Variants in ARIH1 observed in about 807,000 individuals in gnomAD.
The protein encoded by ARIH1 is E3 ubiquitin-protein ligase ARIH1.
Under a neutral mutation model 85.0 loss-of-function variants are expected in ARIH1, and 8 were observed. That is an observed-to-expected ratio of 0.09 (90% CI 0.06 to 0.17). The LOEUF is 0.17. Among genes scored for constraint, ARIH1 ranks in the 10% least tolerant of loss-of-function variants. The probability of loss-of-function intolerance (pLI) is 1.00; values close to 1 mark genes in which losing one functional copy is unlikely to be tolerated. For synonymous variants in ARIH1, 238 were observed against 253.6 expected (o/e 0.94, Z 0.59); for missense variants, 311 against 718.1 (o/e 0.43, Z 6.48).
Position 72,534,959 on chromosome 15 carries a change from C to CT in ARIH1, c.444-9850dup, listed in dbSNP as rs59841210. Among the ~76,000 whole-genome samples, 121 of 73,908 alleles carry CT rather than the reference C, an allele frequency of 1.6e-3. 18 individuals carry two copies. The highest frequency in any genetic ancestry group is 2.2e-3 in the African/African-American group (75 of 34,550). The allele number at this position is 73,908 out of a possible 152,430, so 48.5% of individuals were successfully genotyped here. A position where few individuals can be genotyped will look rare whatever the true frequency, so the allele number is the denominator to read the frequency against. Reference sequence around the variant, plus strand: ...CCTATGTCTTCTTATTGTCTGTATTCTTTTTTTTTTTGAGACGGAGTCTCG... The same window carrying CT: ...CCTATGTCTTCTTATTGTCTGTATTCTTTTTTTTTTTTGAGACGGAGTCTCG... On this transcript the variant is annotated intron_variant, in intron 2 of 13. Coordinates refer to ENST00000379887, the MANE Select transcript of ARIH1 (RefSeq NM_005744.5).
rs1368971759 is a variant in ARIH1 at position 72,584,599 on chromosome 15, T to C, written c.*1307T>C. 6.6e-6 allele frequency: 1 copy of C among 152,180 alleles called. No homozygotes were observed. Among genetic ancestry groups the C allele is most frequent in the Non-Finnish European group, 1.5e-5 (1 of 68,024 alleles). 9.4% of individuals were successfully genotyped at this position (152,180 alleles called of 1,614,324 possible). Reference sequence around the variant, plus strand: ...GGTGGATACCGAAATTGCTTGTGTGTGTTGCTGTGGGTTTGGTTTGAAGGC... The same window carrying C: ...GGTGGATACCGAAATTGCTTGTGTGCGTTGCTGTGGGTTTGGTTTGAAGGC... On this transcript the variant is annotated 3_prime_UTR_variant, in exon 14 of 14. Transcript: ENST00000379887.
At chr15:72,566,479 C>A (rs1595871749) in intron 7 of ARIH1, 84 bp from the exon 8 acceptor site, 1 of 1,099,352 alleles carries the variant, frequency 9.1e-7, no homozygotes, top group Non-Finnish European at 1.4e-6. Context: ...TACTGTGGAA[C>A]TATAAGGCAT....
At chr15:72,517,664 T>C (rs1156659055) in intron 1 of ARIH1, among the ~76,000 whole-genome samples, 2 of 152,126 alleles carry the variant, frequency 1.3e-5, no homozygotes, top group Non-Finnish European at 2.9e-5. Context: ...GCTCAAGCAG[T>C]CAGCCTGCCT....
Position 72,561,569 on chromosome 15 carries a change from T to G in ARIH1, c.804+20T>G, listed in dbSNP as rs1382425929. On this transcript the variant is annotated intron_variant, in intron 6 of 13. Coordinates refer to ENST00000379887, the MANE Select transcript of ARIH1 (RefSeq NM_005744.5). ...GTAGAGGTAAGTGATTTGTTTTCCT[T>G]CTTGTAAGAAGGAATTCTGTTTATT... is the stretch of plus-strand genomic sequence containing the variant. 2 of 1,426,780 alleles carry G rather than the reference T, an allele frequency of 1.4e-6. No homozygotes were observed. The highest frequency in any genetic ancestry group is 1.9e-6 in the Non-Finnish European group (2 of 1,035,006). 88.4% of individuals were successfully genotyped at this position (1,426,780 alleles called of 1,614,324 possible).
chr15:72,563,674 A>T (rs1413350279), intron 7 of ARIH1, among the ~76,000 whole-genome samples, 174 bp downstream of exon 7: 1 of 152,186 alleles, frequency 6.6e-6, no homozygotes, highest in Non-Finnish European at 1.5e-5. Flanking sequence ...GTCACATCTT[A>T]AAAAAATTTT....
chr15:72,505,842 TCTC>T (rs2140403927), intron 1 of ARIH1, among the ~76,000 whole-genome samples: 1 of 152,224 alleles, frequency 6.6e-6, no homozygotes, highest in South Asian at 2.1e-4. Flanking sequence ...TTCAAGCAGT[TCTC>T]CTTCTTCAGC....
At chr15:72,550,466 A>G (rs2064148712) in intron 3 of ARIH1, among the ~76,000 whole-genome samples, 1 of 152,214 alleles carries the variant, frequency 6.6e-6, no homozygotes, top group Non-Finnish European at 1.5e-5. Flanking sequence ...AGTTGCTGAT[A>G]TATTTACTGT....
intron 1 of ARIH1, among the ~76,000 whole-genome samples, chr15:72,513,079 A>G (rs1301698710): frequency 6.6e-6 from 1 of 152,146 alleles, no homozygotes; most frequent in Non-Finnish European, 1.5e-5. Flanking sequence ...TATGGACAGC[A>G]TAGAGTTTTG....
chr15:72,494,838 A>C (rs973258668), intron 1 of ARIH1, among the ~76,000 whole-genome samples: 4 of 151,954 alleles, frequency 2.6e-5, no homozygotes, highest in Admixed American at 6.6e-5. Flanking sequence ...AAAAAAAAAA[A>C]AACTTAGTGA....
At chr15:72,523,882 T>C (rs1355514102) in intron 2 of ARIH1, among the ~76,000 whole-genome samples, 1 of 150,344 alleles carries the variant, frequency 6.7e-6, no homozygotes, top group Non-Finnish European at 1.5e-5. Flanking sequence ...AGACACAACA[T>C]TGAGAATAAT....
chr15:72,505,374 C>T (rs1299846203), intron 1 of ARIH1, among the ~76,000 whole-genome samples: 1 of 152,002 alleles, frequency 6.6e-6, no homozygotes, highest in Non-Finnish European at 1.5e-5. Context: ...GAATATTGTG[C>T]ACTACTCAGT....
intron 2 of ARIH1, among the ~76,000 whole-genome samples, chr15:72,532,167 T>A (rs2064060170): frequency 8.2e-6 from 1 of 121,856 alleles, no homozygotes; most frequent in Admixed American, 8.3e-5. Context: ...GCCGTAAGAT[T>A]TTTTTTTTTT....
chr15:72,499,634 TTTTTGTTTTTAACAG>T (rs2063894732), intron 1 of ARIH1, among the ~76,000 whole-genome samples: 1 of 152,236 alleles, frequency 6.6e-6, no homozygotes, highest in African/African-American at 2.4e-5. Context: ...TTACTGTTGC[TTTTTGTTTTTAACAG>T]GTCTAATTTC....
chr15:72,507,244 C>T (rs1417033389), intron 1 of ARIH1, among the ~76,000 whole-genome samples: 6 of 152,084 alleles, frequency 3.9e-5, no homozygotes, highest in South Asian at 2.1e-4. Flanking sequence ...AGGCTGGTCT[C>T]GAACTCTGAC....
chr15:72,489,527 GAAT>G (rs1433529090), intron 1 of ARIH1, among the ~76,000 whole-genome samples: 1 of 152,142 alleles, frequency 6.6e-6, no homozygotes, highest in Non-Finnish European at 1.5e-5. Flanking sequence ...AATCCTAAAT[GAAT>G]AAGTAAAAAT....
At chr15:72,515,424 G>A (rs548992246) in intron 1 of ARIH1, among the ~76,000 whole-genome samples, 36 of 152,330 alleles carry the variant, frequency 2.4e-4, no homozygotes, top group Non-Finnish European at 1.9e-4. Context: ...CTAGGAGTCA[G>A]CATCTGTTGA....
intron 2 of ARIH1, among the ~76,000 whole-genome samples, chr15:72,530,142 T>C (rs1400382668): frequency 1.3e-5 from 2 of 152,186 alleles, no homozygotes; most frequent in Non-Finnish European, 2.9e-5. Context: ...CTGGGAAACT[T>C]CTGGTAATTT....
At chr15:72,539,519 T>C (rs1277921676) in intron 2 of ARIH1, among the ~76,000 whole-genome samples, 1 of 151,052 alleles carries the variant, frequency 6.6e-6, no homozygotes, top group Non-Finnish European at 1.5e-5. Flanking sequence ...CAGAAAGAAA[T>C]AGAGCAGGCA....
At chr15:72,496,754 G>A in intron 1 of ARIH1, 5 of 965,474 alleles carry the variant, frequency 5.2e-6, no homozygotes, top group Non-Finnish European at 6.2e-6. Flanking sequence ...GGCCTTTGCC[G>A]CTGTGGCCCA....
Sources: allele counts gnomAD v4.1 joint callset (sites outside exome capture counted in the v4.1 genomes callset), GRCh38; gene constraint gnomAD v4.1.1; transcripts MANE v1.5; gene names NCBI Gene and HGNC (gene_info 2026-07-23, HGNC 2026-07-21).